The following CAMK4 variants were observed in gnomAD, a reference collection of about 807,000 sequenced individuals.
The protein encoded by CAMK4 is calcium/calmodulin dependent protein kinase IV.
In CAMK4, 22 loss-of-function variants were observed where a neutral mutation model predicts 44.9. That is an observed-to-expected ratio of 0.49 (90% CI 0.35 to 0.70). The LOEUF is 0.70. Among genes scored for constraint, CAMK4 ranks in the 30% least tolerant of loss-of-function variants. The pLI, the probability that CAMK4 is intolerant of heterozygous loss-of-function variation, is 0.01. For missense variants in CAMK4, 498 were observed against 586.8 expected (o/e 0.85, Z 1.56); for synonymous variants, 218 against 215.4 (o/e 1.01, Z -0.11).
chr5:111,444,222 G>C (rs1753950789), intron 5 of CAMK4, among the ~76,000 whole-genome samples: 1 of 152,178 alleles, frequency 6.6e-6, no homozygotes, highest in Admixed American at 6.5e-5. Context: ...GTGTGTAGTT[G>C]TGATACTGTA....
chr5:111,231,622 T>C (rs1748482059), intron 1 of CAMK4, among the ~76,000 whole-genome samples: 1 of 152,218 alleles, frequency 6.6e-6, no homozygotes, highest in African/African-American at 2.4e-5. Flanking sequence ...TACAACCAAA[T>C]GTTTCTCCCA....
chr5:111,397,649 C>CTGTGTGTGTG (rs3066726), intron 5 of CAMK4, among the ~76,000 whole-genome samples: 3 of 88,566 alleles, frequency 3.4e-5, no homozygotes, highest in East Asian at 2.9e-4. Flanking sequence ...AGTCAGCATG[C>CTGTGTGTGTG]TGTGTGTGTG....
intron 1 of CAMK4, among the ~76,000 whole-genome samples, chr5:111,297,403 C>T (rs1747533481): frequency 6.6e-6 from 1 of 152,094 alleles, no homozygotes; most frequent in African/African-American, 2.4e-5. Context: ...TGCACTTCGT[C>T]AAACCTATTT....
chr5:111,434,219 G>A (rs1753564451), intron 5 of CAMK4, among the ~76,000 whole-genome samples: 1 of 151,862 alleles, frequency 6.6e-6, no homozygotes, highest in South Asian at 2.1e-4. Flanking sequence ...CTTGAATCTG[G>A]GAGGCGGAGG....
chr5:111,407,119 C>T lies in CAMK4; in HGVS notation c.459+12337C>T, dbSNP rs555714448. 1.2e-4 allele frequency among the ~76,000 whole-genome samples: 18 copies of T among 152,076 alleles called. No homozygotes were observed. The South Asian group carries it at 1.9e-3, about 16-fold the overall frequency. Reference sequence around the variant, plus strand: ...CTGTAATCCCAGCACTTTGGGAGGTCAAAGCAGGTGGATCACGAGGTCAGG... The same window carrying T: ...CTGTAATCCCAGCACTTTGGGAGGTTAAAGCAGGTGGATCACGAGGTCAGG... On this transcript the variant is annotated intron_variant, in intron 5 of 10. Transcript: ENST00000282356.
intron 4 of CAMK4, among the ~76,000 whole-genome samples, chr5:111,384,890 CA>C (rs897871050): frequency 6.6e-6 from 1 of 151,668 alleles, no homozygotes. Context: ...TTAAACATGA[CA>C]AAAAAAAGCC....
chr5:111,462,216 T>C (rs564920689), intron 7 of CAMK4, among the ~76,000 whole-genome samples: 72 of 152,358 alleles, frequency 4.7e-4, no homozygotes, highest in African/African-American at 1.6e-3. Context: ...CTAGATCCTC[T>C]ACATCTCAGT....
chr5:111,405,189 G>C lies in CAMK4; in HGVS notation c.459+10407G>C, dbSNP rs143568604. 4.3e-4 allele frequency among the ~76,000 whole-genome samples: 65 copies of C among 152,306 alleles called. 1 individual carries two copies. The East Asian group carries it at 0.012, about 28-fold the overall frequency. ...GAATTGGAGTTTAAAAGAAAATTTG[G>C]CTGGGTGTGGTGGCTCACGCCTGTA... On this transcript the variant is annotated intron_variant, in intron 5 of 10. Transcript: ENST00000282356.
chr5:111,292,137 T>C lies in CAMK4; in HGVS notation c.162-51887T>C, dbSNP rs535345819. ...TGCATAACCTAGGTGATGGTAACAC[T>C]AGGTTGGCATATTCAGTCAGTCTGA... is the stretch of plus-strand genomic sequence containing the variant. On this transcript the variant is annotated intron_variant, in intron 1 of 10. Coordinates refer to ENST00000282356, the MANE Select transcript of CAMK4 (RefSeq NM_001744.6). Among the ~76,000 whole-genome samples the C allele has an allele frequency of 2.0e-5, 3 of 152,268 alleles. No individual in the cohort carries two copies. In the South Asian group the frequency reaches 6.2e-4, roughly 32 times the overall value.
At chr5:111,393,474 G>A (rs410393) in intron 4 of CAMK4, among the ~76,000 whole-genome samples, 138,735 of 152,154 alleles carry the variant, frequency 0.91, 63,361 homozygotes, top group East Asian at 1. Context: ...TAATTAATAG[G>A]TAATGCTGGG....
At chr5:111,347,378 G>A (rs390262) in intron 2 of CAMK4, among the ~76,000 whole-genome samples, 132,705 of 152,034 alleles carry the variant, frequency 0.87, 58,186 homozygotes, top group East Asian at 1. Context: ...ATTTCTATAA[G>A]GAACCAAACA....
chr5:111,226,937 A>G (rs1748219933), intron 1 of CAMK4, among the ~76,000 whole-genome samples: 1 of 152,338 alleles, frequency 6.6e-6, no homozygotes, highest in African/African-American at 2.4e-5. Flanking sequence ...CATTGCTAAG[A>G]TTCTCGCTCT....
intron 2 of CAMK4, among the ~76,000 whole-genome samples, chr5:111,369,881 G>A (rs1346707410): frequency 2.0e-5 from 3 of 152,010 alleles, no homozygotes; most frequent in Admixed American, 6.6e-5. Flanking sequence ...TTTAATTGTT[G>A]TGTTATTTTT....
Position 111,224,627 on chromosome 5 carries a change from G to C in CAMK4, c.144G>C (p.Val48=). The change falls in exon 1 of 11, where the codon GTG becomes GTC. Residue 48 remains valine (V), a synonymous_variant. Transcript: ENST00000282356. The surrounding 1 kb of genome is among the most constrained non-coding windows in gnomAD (Gnocchi z 5.7). The part of the protein sequence containing the change: ...NRDALSDFFE[V]ESELGRGATS... ...ATGCGCTGAGCGATTTCTTCGAGGT[G>C]GAGTCGGAGCTGGGACGGTAAGGCG... is the stretch of plus-strand genomic sequence containing the variant. The C allele has an allele frequency of 6.2e-7, 1 of 1,610,498 alleles. No individual in the cohort carries two copies. Among genetic ancestry groups the C allele is most frequent in the Non-Finnish European group, 8.5e-7 (1 of 1,179,066 alleles).
intron 4 of CAMK4, among the ~76,000 whole-genome samples, chr5:111,380,682 A>G (rs540905657): frequency 4.3e-4 from 65 of 152,312 alleles, no homozygotes; most frequent in African/African-American, 1.2e-3. Flanking sequence ...TGTCCCTGCA[A>G]AGGATATGAT....
chr5:111,289,718 C>T (rs1193141339), intron 1 of CAMK4, among the ~76,000 whole-genome samples: 1 of 152,106 alleles, frequency 6.6e-6, no homozygotes, highest in Non-Finnish European at 1.5e-5. Flanking sequence ...CTTTAGATGC[C>T]TTGCTTTTTT....
intron 7 of CAMK4, among the ~76,000 whole-genome samples, chr5:111,469,267 AT>A (rs1395195356): frequency 7.0e-5 from 10 of 142,430 alleles, no homozygotes; most frequent in South Asian, 4.5e-4. Flanking sequence ...GTTTCACCCC[AT>A]TTTTTTATGA....
In CAMK4 at chr5:111,488,942, T is replaced by C. The variant is rs1395884991; in HGVS notation, c.*4476T>C. The stretch of plus-strand genomic sequence containing the variant: ...CCAGATAGTAACCTATGTAAAAGGA[T>C]TTGTAATTTCCTTGTAATTCCTGCC... On this transcript the variant is annotated 3_prime_UTR_variant, in exon 11 of 11. Transcript: ENST00000282356. 2.0e-5 allele frequency: 3 copies of C among 152,220 alleles called. No individual in the cohort carries two copies. The highest frequency in any genetic ancestry group is 7.2e-5 in the African/African-American group (3 of 41,458). The allele number at this position is 152,220 out of a possible 1,614,324, so 9.4% of individuals were successfully genotyped here.
chr5:111,477,251 T>G (rs1270599069), intron 8 of CAMK4, among the ~76,000 whole-genome samples: 1 of 152,210 alleles, frequency 6.6e-6, no homozygotes, highest in African/African-American at 2.4e-5. Context: ...TTTTTCTCAC[T>G]GGCTCCAGAA....
Sources: allele counts gnomAD v4.1 joint callset (sites outside exome capture counted in the v4.1 genomes callset), GRCh38; gene constraint gnomAD v4.1.1; non-coding constraint Gnocchi (gnomAD v3.1); transcripts MANE v1.5; gene names NCBI Gene and HGNC (gene_info 2026-07-23, HGNC 2026-07-21).